Variants in CLIC5 observed in about 807,000 individuals in gnomAD.
CLIC5 encodes CLIC family member 5.
CLIC5 carries 20 observed loss-of-function variants against 24.7 expected under a neutral mutation model. That is an observed-to-expected ratio of 0.81 (90% CI 0.57 to 1.18). The LOEUF (loss-of-function observed/expected upper bound fraction) is 1.18, where lower values mean the gene tolerates loss of function less well. Among genes scored for constraint, CLIC5 ranks in the 50% most tolerant of loss-of-function variants. CLIC5 has a pLI of 0.00. For synonymous variants in CLIC5, 159 were observed against 135.6 expected, an observed-to-expected ratio of 1.17 and a Z score of -1.20; for missense variants, 341 against 326.1, an observed-to-expected ratio of 1.05 and a Z score of -0.35.
Position 45,925,883 on chromosome 6 carries a change from C to A in CLIC5, c.407-11474G>T, listed in dbSNP as rs114149119. On this transcript the variant is annotated intron_variant, in intron 4 of 5. Coordinates refer to ENST00000339561, the MANE Select transcript of CLIC5 (RefSeq NM_016929.5). ...AGATACCCTCCCACAGAGTCCCAGC[C>A]ACTTTGTTATCAGAGCCAAGAGAGA... is the stretch of plus-strand genomic sequence containing the variant. Among the ~76,000 whole-genome samples the A allele has an allele frequency of 4.6e-4, 70 of 152,204 alleles. 1 individual carries two copies. Among genetic ancestry groups the A allele is most frequent in the African/African-American group, 1.7e-3 (69 of 41,528 alleles).
chr6:46,041,640 T>C (rs2127460788), intron 1 of CLIC5, among the ~76,000 whole-genome samples: 1 of 152,336 alleles, frequency 6.6e-6, no homozygotes, highest in East Asian at 1.9e-4. Context: ...ATCAATTTAA[T>C]TACATGTCTG....
At chr6:45,940,908 T>C (rs1764106075) in intron 4 of CLIC5, among the ~76,000 whole-genome samples, 1 of 152,150 alleles carries the variant, frequency 6.6e-6, no homozygotes, top group Non-Finnish European at 1.5e-5. Context: ...GCTGTGAGCA[T>C]AACTGGGGGG....
In CLIC5 at chr6:45,906,813, C is replaced by T. The variant is rs576284323; in HGVS notation, c.589-3558G>A. 1.3e-3 allele frequency among the ~76,000 whole-genome samples: 193 copies of T among 152,316 alleles called. 1 individual carries two copies. The highest frequency in any genetic ancestry group is 6.8e-3 in the Middle Eastern group (2 of 294). On this transcript the variant is annotated intron_variant, in intron 5 of 5. Transcript: ENST00000339561. ...CCGACCTCAGTCGATCCGCCTGCCT[C>T]AGCCTCCCAAAGTGCTGGGATTACA...
intron 4 of CLIC5, among the ~76,000 whole-genome samples, chr6:45,916,981 C>T (rs1239746003): frequency 6.6e-6 from 1 of 152,208 alleles, no homozygotes; most frequent in Non-Finnish European, 1.5e-5. Context: ...TGGGACTAAA[C>T]TGTGTTTAAA....
intron 1 of CLIC5, 146 bp downstream of exon 1, chr6:46,015,334 C>T: frequency 4.2e-6 from 3 of 719,238 alleles, no homozygotes; most frequent in Non-Finnish European, 6.0e-6. Context: ...CGCAGCGGGG[C>T]GCTGGCCTGC....
Position 45,903,057 on chromosome 6 carries a change from C to T in CLIC5, c.*31G>A, listed in dbSNP as rs754440328. 6.2e-7 allele frequency: 1 copy of T among 1,613,120 alleles called. No individual in the cohort carries two copies. Among genetic ancestry groups the T allele is most frequent in the Non-Finnish European group, 8.5e-7 (1 of 1,179,574 alleles). ...GTCTTAGGGGAGTGGTTGAGTCCTT[C>T]TGCAGCGGGGATGGGGCAAAATGGC... On this transcript the variant is annotated 3_prime_UTR_variant, in exon 6 of 6. Coordinates refer to ENST00000339561, the MANE Select transcript of CLIC5 (RefSeq NM_016929.5).
intron 1 of CLIC5, among the ~76,000 whole-genome samples, chr6:45,976,804 A>AT (rs1561978362): frequency 1.3e-5 from 2 of 152,338 alleles, no homozygotes; most frequent in African/African-American, 4.8e-5. Context: ...TAGACCTATG[A>AT]GGTTTCCTAA....
intron 1 of CLIC5, among the ~76,000 whole-genome samples, chr6:46,077,924 G>A (rs1351846735): frequency 6.6e-6 from 1 of 152,012 alleles, no homozygotes; most frequent in Admixed American, 6.6e-5. Flanking sequence ...CTAATTTCTA[G>A]TGAGATAAAC....
At chr6:45,885,296 G>A (rs1249550829) in intron 6 of CLIC5, among the ~76,000 whole-genome samples, 1 of 152,122 alleles carries the variant, frequency 6.6e-6, no homozygotes, top group Non-Finnish European at 1.5e-5. Flanking sequence ...CCACTACCTG[G>A]AAGAGGTTAT....
chr6:45,936,020 C>G (rs2127358354), intron 4 of CLIC5, among the ~76,000 whole-genome samples: 1 of 152,144 alleles, frequency 6.6e-6, no homozygotes, highest in Non-Finnish European at 1.5e-5. Flanking sequence ...CTGGCTAGTC[C>G]TTCTTTCTCT....
At position 45,959,012 on chromosome 6, in the gene CLIC5, C is replaced by T. The variant is rs1160484697; in HGVS notation, c.64-3768G>A. 3.3e-5 allele frequency among the ~76,000 whole-genome samples: 5 copies of T among 152,026 alleles called. No individual in the cohort carries two copies. The East Asian group carries it at 9.7e-4, about 29-fold the overall frequency. On this transcript the variant is annotated intron_variant, in intron 1 of 5. Transcript: ENST00000339561. ...ACTACATACATACATACATGGTTACCCTGAGTTATGTAGCACACTAGCCGG... is the reference window on the plus strand; with the variant it reads ...ACTACATACATACATACATGGTTACTCTGAGTTATGTAGCACACTAGCCGG...
intron 1 of CLIC5, among the ~76,000 whole-genome samples, chr6:45,962,046 A>G (rs1764860946): frequency 7.7e-6 from 1 of 130,450 alleles, no homozygotes; most frequent in African/African-American, 2.9e-5. Flanking sequence ...TTATATATAC[A>G]TACACATATA....
At chr6:45,981,657 T>G (rs1208548569) in intron 1 of CLIC5, among the ~76,000 whole-genome samples, 1 of 152,152 alleles carries the variant, frequency 6.6e-6, no homozygotes, top group Admixed American at 6.5e-5. Context: ...TGTTCAGTTT[T>G]GGTGGGCATC....
chr6:46,058,661 G>C (rs1245861702), intron 1 of CLIC5, among the ~76,000 whole-genome samples: 2 of 152,160 alleles, frequency 1.3e-5, no homozygotes, highest in African/African-American at 4.8e-5. Flanking sequence ...CATAGTGGAG[G>C]TGAACTTGTG....
At chr6:45,966,931 G>A (rs1284946046) in intron 1 of CLIC5, among the ~76,000 whole-genome samples, 1 of 152,208 alleles carries the variant, frequency 6.6e-6, no homozygotes, top group Non-Finnish European at 1.5e-5. Context: ...CTTAAGTTCT[G>A]CCAGGTGGGT....
At chr6:46,102,905 G>C in the CLIC5 span, among the ~76,000 whole-genome samples, 15 of 152,230 alleles carry the variant, frequency 9.9e-5, no homozygotes, top group Non-Finnish European at 2.1e-4. Context: ...AGAATGCCTC[G>C]TGAAGAATTG....
At chr6:46,109,976 T>C in the CLIC5 span, among the ~76,000 whole-genome samples, 1 of 152,042 alleles carries the variant, frequency 6.6e-6, no homozygotes, top group Admixed American at 6.5e-5. Flanking sequence ...TCACCCACCA[T>C]AATCTAAGCC....
upstream of CLIC5, chr6:46,015,978 G>A: frequency 1.2e-6 from 1 of 830,608 alleles, no homozygotes; most frequent in Non-Finnish European, 1.5e-6. Flanking sequence ...ACGGCCCCCC[G>A]CCCCAAGACC....
At chr6:46,009,588 T>G (rs1766728066) in intron 1 of CLIC5, among the ~76,000 whole-genome samples, 2 of 152,170 alleles carry the variant, frequency 1.3e-5, no homozygotes. Flanking sequence ...GGTAATAGTT[T>G]TTTAATAGAT....
Sources: allele counts gnomAD v4.1 joint callset (sites outside exome capture counted in the v4.1 genomes callset), GRCh38; gene constraint gnomAD v4.1.1; transcripts MANE v1.5; gene names NCBI Gene and HGNC (gene_info 2026-07-23, HGNC 2026-07-21).